AJAP1: variants seen among roughly 807,000 people sequenced by gnomAD.
AJAP1 encodes adherens junctions associated protein 1.
Under a neutral mutation model 35.0 loss-of-function variants are expected in AJAP1, and 5 were observed. The ratio of observed to expected loss-of-function variants is 0.14; its 90% CI spans 0.07 to 0.30. The LOEUF (loss-of-function observed/expected upper bound fraction) is 0.30, where lower values mean the gene tolerates loss of function less well. AJAP1 is among the 10% of genes least tolerant of loss of function. The pLI, the probability that AJAP1 is intolerant of heterozygous loss-of-function variation, is 1.00. For missense variants in AJAP1, 586 were observed against 571.0 expected (o/e 1.03, Z -0.27); for synonymous variants, 284 against 249.3 (o/e 1.14, Z -1.31).
At chr1:4,737,774 C>T (rs183188902) in intron 2 of AJAP1, among the ~76,000 whole-genome samples, 1 of 152,320 alleles carries the variant, frequency 6.6e-6, no homozygotes, top group East Asian at 1.9e-4. Context: ...GTGGTGCATG[C>T]ACCTGTGGTC....
At chr1:4,760,673 G>A (rs542947763) in intron 2 of AJAP1, among the ~76,000 whole-genome samples, 1 of 152,348 alleles carries the variant, frequency 6.6e-6, no homozygotes, top group Admixed American at 6.5e-5. Context: ...GATGGACAGG[G>A]CCTGGCTTCC....
At chr1:4,743,227 A>G (rs557768417) in intron 2 of AJAP1, among the ~76,000 whole-genome samples, 47 of 152,268 alleles carry the variant, frequency 3.1e-4, no homozygotes, top group African/African-American at 1.1e-3. Flanking sequence ...TTCCTGTCAC[A>G]TTATAGGAAT....
intron 2 of AJAP1, among the ~76,000 whole-genome samples, chr1:4,735,718 T>A (rs432330): frequency 0.67 from 101,542 of 151,958 alleles, 35,263 homozygotes; most frequent in Middle Eastern, 0.78. Context: ...CTGGCTTGAC[T>A]CATGCAGTGC....
chr1:4,704,045 T>C (rs114946608), intron 1 of AJAP1, among the ~76,000 whole-genome samples: 18 of 152,266 alleles, frequency 1.2e-4, no homozygotes, highest in African/African-American at 4.3e-4. Context: ...AGGTAGGGGT[T>C]AAGCAAAGGA....
intron 1 of AJAP1, among the ~76,000 whole-genome samples, chr1:4,665,094 G>A (rs1347671624): frequency 1.3e-5 from 2 of 151,872 alleles, no homozygotes; most frequent in African/African-American, 2.4e-5. Flanking sequence ...TTCAGTCGAC[G>A]CCCCCACCCC....
chr1:4,658,498 G>A (rs1048477343), intron 1 of AJAP1, among the ~76,000 whole-genome samples: 1 of 152,240 alleles, frequency 6.6e-6, no homozygotes, highest in African/African-American at 2.4e-5. Context: ...TGCGCTCCGG[G>A]TGAATCCTGG....
chr1:4,732,342 G>T (rs909087840), intron 2 of AJAP1, among the ~76,000 whole-genome samples: 28 of 152,382 alleles, frequency 1.8e-4, no homozygotes, highest in Admixed American at 1.6e-3. Context: ...GCATGGCTGA[G>T]GTGTCACATG....
rs1212193534 is a variant in AJAP1 at position 4,656,319 on chromosome 1, T to G, written c.29+865T>G. The stretch of plus-strand genomic sequence containing the variant: ...AGGGCCCACCAGAGCACAGCTGTCG[T>G]TTTTGCTGGGCAGGCTGCCTCTGAG... On this transcript the variant is annotated intron_variant, in intron 1 of 5. Transcript: ENST00000378191. This position sits in a 1 kb window ranked among gnomAD's most constrained non-coding sequence, Gnocchi z 5.7. Among the ~76,000 whole-genome samples the G allele has an allele frequency of 1.3e-5, 2 of 152,074 alleles. No individual in the cohort carries two copies. The highest frequency in any genetic ancestry group is 2.9e-5 in the Non-Finnish European group (2 of 67,998).
In AJAP1 at chr1:4,791,803, C is replaced by T. The variant is rs78115428; in HGVS notation, c.*9318C>T. 6 of 152,282 alleles carry T rather than the reference C, an allele frequency of 3.9e-5. No individual in the cohort carries two copies. In the East Asian group the frequency reaches 7.7e-4, roughly 20 times the overall value. 9.4% of individuals were successfully genotyped at this position (152,282 alleles called of 1,614,324 possible). A position where few individuals can be genotyped will look rare whatever the true frequency, so the allele number is the denominator to read the frequency against. On this transcript the variant is annotated 3_prime_UTR_variant, in exon 6 of 6. Coordinates refer to ENST00000378191, the MANE Select transcript of AJAP1 (RefSeq NM_018836.4). ...ATCTGAGAAATAGAAGGACCAGGTCCGTGTGGATGCTCCTAGTGCGTTCAA... is the reference window on the plus strand; with the variant it reads ...ATCTGAGAAATAGAAGGACCAGGTCTGTGTGGATGCTCCTAGTGCGTTCAA...
chr1:4,716,218 A>C (rs1041407131), intron 2 of AJAP1, among the ~76,000 whole-genome samples: 6 of 152,194 alleles, frequency 3.9e-5, no homozygotes, highest in Non-Finnish European at 8.8e-5. Context: ...CCCTGTCAGG[A>C]TTCACCATAC....
intron 1 of AJAP1, among the ~76,000 whole-genome samples, chr1:4,662,480 G>A (rs1639020883): frequency 6.6e-6 from 1 of 152,342 alleles, no homozygotes; most frequent in Middle Eastern, 3.4e-3. Context: ...CGGTTCACCT[G>A]CTGATGCACC....
At chr1:4,725,652 C>T (rs1051591566) in intron 2 of AJAP1, among the ~76,000 whole-genome samples, 1 of 152,102 alleles carries the variant, frequency 6.6e-6, no homozygotes, top group Non-Finnish European at 1.5e-5. Context: ...TGGGCAGCTG[C>T]AGCAAAGCAC....
Position 4,745,774 on chromosome 1 carries a change from C to T in AJAP1, c.830-24079C>T, listed in dbSNP as rs118111804. Among the ~76,000 whole-genome samples, 95 of 152,262 alleles carry T rather than the reference C, an allele frequency of 6.2e-4. No individual in the cohort carries two copies. The East Asian group carries it at 0.016, about 25-fold the overall frequency. On this transcript the variant is annotated intron_variant, in intron 2 of 5. Transcript: ENST00000378191. ...AAGGAGGCTGCTGGGTCCTGGGCAG[C>T]GCTTCCTCTCCAAGGCCAGCGTCCT...
intron 1 of AJAP1, among the ~76,000 whole-genome samples, chr1:4,667,625 G>A (rs1368961182): frequency 6.6e-5 from 10 of 152,198 alleles, no homozygotes; most frequent in South Asian, 6.2e-4. Context: ...GACAGGAGGC[G>A]GAGCTCAGAT....
At chr1:4,735,196 C>T (rs1640890945) in intron 2 of AJAP1, among the ~76,000 whole-genome samples, 1 of 152,254 alleles carries the variant, frequency 6.6e-6, no homozygotes, top group African/African-American at 2.4e-5. Context: ...ACCAGGCCTC[C>T]TGGCTGCTAG....
At position 4,744,904 on chromosome 1, in the gene AJAP1, C is replaced by CA. The variant is rs528870277; in HGVS notation, c.830-24948dup. 7.2e-5 allele frequency among the ~76,000 whole-genome samples: 11 copies of CA among 152,224 alleles called. No homozygotes were observed. The South Asian group carries it at 2.3e-3, about 32-fold the overall frequency. ...CACACCCACCTGGGACGCGGGGCTT[C>CA]AGGAGAGAGGCAGACCTAATAGGGC... On this transcript the variant is annotated intron_variant, in intron 2 of 5. Transcript: ENST00000378191.
At chr1:4,742,222 A>G (rs558369060) in intron 2 of AJAP1, among the ~76,000 whole-genome samples, 1 of 152,092 alleles carries the variant, frequency 6.6e-6, no homozygotes, top group Non-Finnish European at 1.5e-5. Context: ...TCTGCCCCCT[A>G]GTGATCCAAG....
At chr1:4,668,198 A>C (rs927254373) in intron 1 of AJAP1, among the ~76,000 whole-genome samples, 1 of 117,368 alleles carries the variant, frequency 8.5e-6, no homozygotes, top group Non-Finnish European at 1.7e-5. Flanking sequence ...TGGGTGACAG[A>C]GTGAAACTCT....
chr1:4,671,368 CAAAAAAA>C (rs35552154), intron 1 of AJAP1, among the ~76,000 whole-genome samples: 1 of 128,716 alleles, frequency 7.8e-6, no homozygotes, highest in African/African-American at 3.0e-5. Context: ...GACTCTGCCT[CAAAAAAA>C]AAAAAAAAAG....
Sources: gnomAD v4.1 joint callset for allele counts (sites outside exome capture counted in the v4.1 genomes callset) on GRCh38, gnomAD v4.1.1 for gene constraint, Gnocchi (gnomAD v3.1) non-coding constraint, MANE v1.5 for transcripts, NCBI Gene and HGNC (gene_info 2026-07-23, HGNC 2026-07-21) for gene names.